The following CFAP20DC variants were observed in gnomAD, a reference collection of about 807,000 sequenced individuals.
CFAP20DC encodes the protein protein CFAP20DC.
Under a neutral mutation model 101.7 loss-of-function variants are expected in CFAP20DC, and 84 were observed. That is an observed-to-expected ratio of 0.83 (90% CI 0.69 to 0.99). CFAP20DC has a LOEUF of 0.99. Among genes scored for constraint, CFAP20DC ranks in the 50% least tolerant of loss-of-function variants. The pLI is 0.00. For missense variants in CFAP20DC, 1,007 were observed against 970.3 expected (o/e 1.04, Z -0.50); for synonymous variants, 359 against 351.2 (o/e 1.02, Z -0.25).
chr3:58,940,680 A>C (rs1209481383), intron 4 of CFAP20DC, among the ~76,000 whole-genome samples: 1 of 152,166 alleles, frequency 6.6e-6, no homozygotes, highest in Admixed American at 6.5e-5. Flanking sequence ...CACTATCTTG[A>C]TTACTGTAGA....
intron 4 of CFAP20DC, among the ~76,000 whole-genome samples, chr3:58,963,190 T>TTGTGTGTGTGTGTGTGTGTGTG (rs56234919): frequency 2.2e-4 from 26 of 118,178 alleles, no homozygotes; most frequent in Non-Finnish European, 3.3e-4. Flanking sequence ...GTTCAGTAGT[T>TTGTGTGTGTGTGTGTGTGTGTG]TGTGTGTGTG....
At chr3:58,762,613 A>G (rs1481976474) in intron 15 of CFAP20DC, among the ~76,000 whole-genome samples, 1 of 152,156 alleles carries the variant, frequency 6.6e-6, no homozygotes, top group African/African-American at 2.4e-5. Context: ...TCGTTAGTTG[A>G]TGCAGTTTCT....
In CFAP20DC at chr3:58,820,215, C is replaced by A. The variant is rs1296422637; in HGVS notation, c.2175+11471G>T. Among the ~76,000 whole-genome samples, 3 of 150,348 alleles carry A rather than the reference C, an allele frequency of 2.0e-5. No individual in the cohort carries two copies. In the East Asian group the frequency reaches 5.9e-4, roughly 30 times the overall value. On this transcript the variant is annotated intron_variant, in intron 14 of 16. Transcript: ENST00000482387. ...TGAATGGGAAAAAACTGGAAGCATT[C>A]CCTTTGAAAACTGGCACAAGACAGG...
At position 58,726,918 on chromosome 3, in the gene CFAP20DC, G is replaced by C. The variant is rs139816157; in HGVS notation, c.198-9290C>G. 232 of 224,072 alleles carry C rather than the reference G, an allele frequency of 1.0e-3. 1 individual carries two copies. Among genetic ancestry groups the C allele is most frequent in the African/African-American group, 5.3e-3 (209 of 39,732 alleles). 13.9% of individuals were successfully genotyped at this position (224,072 alleles called of 1,614,324 possible). A position where few individuals can be genotyped will look rare whatever the true frequency, so the allele number is the denominator to read the frequency against. On this transcript the variant is annotated intron_variant, in intron 3 of 3. Coordinates refer to the CFAP20DC transcript ENST00000486145. ...CCACTCGCGCCATCAGAAGAGATGA[G>C]AGCGACCCATCCCTTCCACTCACGC...
intron 15 of CFAP20DC, among the ~76,000 whole-genome samples, chr3:58,760,513 G>A (rs373017206): frequency 0.055 from 8,397 of 152,034 alleles, 511 homozygotes; most frequent in East Asian, 0.35. Context: ...TTTCCTAATT[G>A]AATACCCTTT....
At chr3:58,761,337 T>C (rs1180488159) in intron 15 of CFAP20DC, among the ~76,000 whole-genome samples, 1 of 152,180 alleles carries the variant, frequency 6.6e-6, no homozygotes, top group Non-Finnish European at 1.5e-5. Flanking sequence ...GTGTTTATAG[T>C]ATTCTCTGAT....
chr3:58,838,007 A>G (rs1351251497), intron 13 of CFAP20DC, among the ~76,000 whole-genome samples: 1 of 152,166 alleles, frequency 6.6e-6, no homozygotes, highest in Admixed American at 6.5e-5. Flanking sequence ...CAAGCTAGGC[A>G]TCATACCCAA....
rs2079413450 is a variant in CFAP20DC, at chr3:58,863,441, T to C, written c.1593+117A>G. On this transcript the variant is annotated intron_variant, in intron 12 of 16. Transcript: ENST00000482387. The surrounding 1 kb of genome is among the most constrained non-coding windows in gnomAD (Gnocchi z 5.9). ...AACTGTGGACTGACATGGCAATCTG[T>C]TGCATTTTTATAAATAGCAGTTGAT... is the stretch of plus-strand genomic sequence containing the variant. The C allele has an allele frequency of 6.7e-7, 1 of 1,490,782 alleles. No homozygotes were observed. Among genetic ancestry groups the C allele is most frequent in the Non-Finnish European group, 8.9e-7 (1 of 1,123,290 alleles). The allele number at this position is 1,490,782 out of a possible 1,614,324, so 92.3% of individuals were successfully genotyped here. A position where few individuals can be genotyped will look rare whatever the true frequency, so the allele number is the denominator to read the frequency against.
chr3:59,001,902 C>T lies in CFAP20DC; in HGVS notation c.278+37655G>A, dbSNP rs902427629. The stretch of plus-strand genomic sequence containing the variant: ...TGTGGCTTGAGCGGAAGGACAAAAA[C>T]GTGACATGTGGTAAAGAAGAGATTC... On this transcript the variant is annotated intron_variant, in intron 4 of 16. Transcript: ENST00000482387. This position sits in a 1 kb window ranked among gnomAD's most constrained non-coding sequence, Gnocchi z 4.5. 2.0e-5 allele frequency among the ~76,000 whole-genome samples: 3 copies of T among 152,054 alleles called. No homozygotes were observed. The highest frequency in any genetic ancestry group is 4.4e-5 in the Non-Finnish European group (3 of 68,010).
chr3:58,765,553 G>C (rs2070229649), intron 15 of CFAP20DC, among the ~76,000 whole-genome samples: 1 of 147,530 alleles, frequency 6.8e-6, no homozygotes, highest in Non-Finnish European at 1.5e-5. Flanking sequence ...ATTTGTTCCT[G>C]TGAAGGAATT....
At chr3:58,812,205 G>T (rs1486920164) in intron 14 of CFAP20DC, among the ~76,000 whole-genome samples, 4 of 152,092 alleles carry the variant, frequency 2.6e-5, no homozygotes, top group Non-Finnish European at 4.4e-5. Flanking sequence ...CCATTACTGG[G>T]TATATACCCA....
At chr3:58,972,403 T>A (rs2092001789) in intron 4 of CFAP20DC, among the ~76,000 whole-genome samples, 1 of 152,104 alleles carries the variant, frequency 6.6e-6, no homozygotes, top group Non-Finnish European at 1.5e-5. Flanking sequence ...AATCTATAGG[T>A]CCCTGGAGTC....
intron 13 of CFAP20DC, among the ~76,000 whole-genome samples, chr3:58,843,175 T>G (rs377535625): frequency 6.6e-6 from 1 of 152,146 alleles, no homozygotes; most frequent in African/African-American, 2.4e-5. Flanking sequence ...ATGACTTTGA[T>G]GAGCTGAGAG....
chr3:58,952,407 C>T (rs116462875), intron 4 of CFAP20DC, among the ~76,000 whole-genome samples: 40 of 152,286 alleles, frequency 2.6e-4, no homozygotes, highest in African/African-American at 9.4e-4. Flanking sequence ...ATGCCACCCA[C>T]CTGTTAGTCA....
rs76644629 is a variant in CFAP20DC, at chr3:58,782,409, C to T, written c.2237+23986G>A. 4.5e-3 allele frequency among the ~76,000 whole-genome samples: 688 copies of T among 151,970 alleles called. 5 individuals carry two copies. Among genetic ancestry groups the T allele is most frequent in the African/African-American group, 0.016 (646 of 41,466 alleles). ...GCCCACTTTTACCACTCCTGTTCAA[C>T]GTAATACTGGAAGTCCTAGCCAGAG... On this transcript the variant is annotated intron_variant, in intron 15 of 16. Transcript: ENST00000482387.
intron 5 of CFAP20DC, among the ~76,000 whole-genome samples, chr3:58,919,558 C>G (rs2085114166): frequency 6.6e-6 from 1 of 152,188 alleles, no homozygotes; most frequent in Non-Finnish European, 1.5e-5. Context: ...GAGATTTCAA[C>G]TGGAATTAGA....
In CFAP20DC at chr3:58,882,306, T is replaced by C. The variant is rs977370958; in HGVS notation, c.715+2239A>G. On this transcript the variant is annotated intron_variant, in intron 7 of 16. Transcript: ENST00000482387. This position sits in a 1 kb window ranked among gnomAD's most constrained non-coding sequence, Gnocchi z 4.2. Reference sequence around the variant, plus strand: ...TTTAATTATAACATTGAGTTAGTGATGCAATTAATATTTATCCAAATTCCC... The same window carrying C: ...TTTAATTATAACATTGAGTTAGTGACGCAATTAATATTTATCCAAATTCCC... Among the ~76,000 whole-genome samples, 2 of 152,202 alleles carry C rather than the reference T, an allele frequency of 1.3e-5. No homozygotes were observed. Among genetic ancestry groups the C allele is most frequent in the African/African-American group, 4.8e-5 (2 of 41,458 alleles).
intron 14 of CFAP20DC, among the ~76,000 whole-genome samples, chr3:58,807,453 A>C (rs2074192314): frequency 6.6e-6 from 1 of 152,212 alleles, no homozygotes; most frequent in Non-Finnish European, 1.5e-5. Flanking sequence ...ACCCAGGCAA[A>C]TAGGGTCTGG....
intron 4 of CFAP20DC, among the ~76,000 whole-genome samples, chr3:58,975,136 C>CT (rs34432729): frequency 5.3e-5 from 8 of 151,078 alleles, no homozygotes; most frequent in East Asian, 2.0e-4. Flanking sequence ...TTTGCACAAG[C>CT]TTTTTTTTTC....
Sources: gnomAD v4.1 joint callset for allele counts (sites outside exome capture counted in the v4.1 genomes callset) on GRCh38, gnomAD v4.1.1 for gene constraint, Gnocchi (gnomAD v3.1) non-coding constraint, MANE v1.5 for transcripts, NCBI Gene and HGNC (gene_info 2026-07-23, HGNC 2026-07-21) for gene names.